The following CELF4 variants were observed in gnomAD, a reference collection of about 807,000 sequenced individuals.
The protein encoded by CELF4 is CUGBP Elav-like family member 4, also known as CUG-BP- and ETR-3-like factor 4.
CELF4 carries 18 observed loss-of-function variants against 59.9 expected under a neutral mutation model. The observed-to-expected ratio is 0.30, with a 90% CI of 0.21 to 0.45. The LOEUF is 0.45. CELF4 is among the 20% of genes least tolerant of loss of function. The probability of loss-of-function intolerance (pLI) is 1.00; values close to 1 mark genes in which losing one functional copy is unlikely to be tolerated. For synonymous variants in CELF4, 261 were observed against 267.1 expected (o/e 0.98, Z 0.22); for missense variants, 456 against 689.0 (o/e 0.66, Z 3.79).
chr18:37,483,536 C>T (rs918122790), intron 2 of CELF4, among the ~76,000 whole-genome samples: 1 of 152,172 alleles, frequency 6.6e-6, no homozygotes, highest in African/African-American at 2.4e-5. Flanking sequence ...CATACACTCA[C>T]GTTTCTTTTT....
Position 37,480,641 on chromosome 18 carries a change from C to T in CELF4, c.369+4884G>A, listed in dbSNP as rs147239240. Among the ~76,000 whole-genome samples, 699 of 152,248 alleles carry T rather than the reference C, an allele frequency of 4.6e-3. 2 individuals are homozygous for T. The highest frequency in any genetic ancestry group is 0.015 in the African/African-American group (612 of 41,540). On this transcript the variant is annotated intron_variant, in intron 2 of 12. Transcript: ENST00000420428. Reference sequence around the variant, plus strand: ...TGTCAGGGAGGGAGATGGGCCTTGCCAGGGAAGCCCCCGTATGGTGATGGG... The same window carrying T: ...TGTCAGGGAGGGAGATGGGCCTTGCTAGGGAAGCCCCCGTATGGTGATGGG...
chr18:37,249,560 C>T (rs1468322432), intron 12 of CELF4, among the ~76,000 whole-genome samples: 1 of 152,128 alleles, frequency 6.6e-6, no homozygotes, highest in Non-Finnish European at 1.5e-5. Context: ...ACATGTGTGG[C>T]CCTAGACACA....
At chr18:37,498,695 T>G (rs530301010) in intron 1 of CELF4, among the ~76,000 whole-genome samples, 1 of 152,178 alleles carries the variant, frequency 6.6e-6, no homozygotes, top group Non-Finnish European at 1.5e-5. Flanking sequence ...AGCCAGCTGG[T>G]GACTCTGAGA....
intron 1 of CELF4, among the ~76,000 whole-genome samples, chr18:37,528,028 C>G (rs115674840): frequency 0.016 from 2,423 of 152,272 alleles, 70 homozygotes; most frequent in African/African-American, 0.054. Flanking sequence ...GACAGTAGAG[C>G]TAAAAAGGTT....
chr18:37,561,484 A>G (rs2099986517), intron 1 of CELF4, among the ~76,000 whole-genome samples: 1 of 152,190 alleles, frequency 6.6e-6, no homozygotes, highest in Admixed American at 6.5e-5. Flanking sequence ...TAATATGGCT[A>G]TCCAGAGAGC....
At chr18:37,334,351 A>G (rs2097684801) in intron 2 of CELF4, among the ~76,000 whole-genome samples, 1 of 151,726 alleles carries the variant, frequency 6.6e-6, no homozygotes, top group Non-Finnish European at 1.5e-5. Flanking sequence ...GCCTCCCTTC[A>G]CCACTGGGTT....
intron 2 of CELF4, among the ~76,000 whole-genome samples, chr18:37,445,892 C>T (rs1249532232): frequency 6.6e-6 from 1 of 152,210 alleles, no homozygotes; most frequent in African/African-American, 2.4e-5. Flanking sequence ...CATCCTCCTC[C>T]TCCTTATCAT....
rs1027677264 is a variant in CELF4, at chr18:37,453,359, A to G, written c.369+32166T>C. Among the ~76,000 whole-genome samples, 10 of 152,266 alleles carry G rather than the reference A, an allele frequency of 6.6e-5. 1 individual carries two copies. The highest frequency in any genetic ancestry group is 2.4e-4 in the African/African-American group (10 of 41,548). On this transcript the variant is annotated intron_variant, in intron 2 of 12. Transcript: ENST00000420428. ...CTCCCTAACCTTTAGCCCAATGCTA[A>G]TTTTCTTGAACATTCTCTAACCAGC...
chr18:37,550,536 T>C (rs2099982863), intron 1 of CELF4, among the ~76,000 whole-genome samples: 1 of 152,250 alleles, frequency 6.6e-6, no homozygotes, highest in Non-Finnish European at 1.5e-5. Context: ...GACGTGGTGT[T>C]CCAGATATGA....
intron 2 of CELF4, among the ~76,000 whole-genome samples, chr18:37,361,955 C>A (rs886414572): frequency 1.3e-5 from 2 of 152,108 alleles, no homozygotes; most frequent in Non-Finnish European, 2.9e-5. Context: ...TACCCAGGGG[C>A]ACTGAGGCCA....
At chr18:37,553,198 T>A (rs60052337) in intron 1 of CELF4, among the ~76,000 whole-genome samples, 2,017 of 152,164 alleles carry the variant, frequency 0.013, 50 homozygotes, top group African/African-American at 0.046. Flanking sequence ...ATTTTTTTTT[T>A]AAAATTGGAT....
At chr18:37,455,275 C>T (rs72889365) in intron 2 of CELF4, among the ~76,000 whole-genome samples, 4,094 of 152,314 alleles carry the variant, frequency 0.027, 76 homozygotes, top group Non-Finnish European at 0.038. Flanking sequence ...AAGTGCAGAG[C>T]ATCCAATATT....
chr18:37,523,048 C>T lies in CELF4; in HGVS notation c.287-37441G>A, dbSNP rs530824339. On this transcript the variant is annotated intron_variant, in intron 1 of 12. Coordinates refer to ENST00000420428, the MANE Select transcript of CELF4 (RefSeq NM_020180.4). ...CAGTGGAGACGTTCGTTGCCCACAA[C>T]CAGATTCACAAGGGGGGCGGGTAGG... Among the ~76,000 whole-genome samples, 7 of 152,312 alleles carry T rather than the reference C, an allele frequency of 4.6e-5. No homozygotes were observed. The South Asian group carries it at 1.5e-3, about 32-fold the overall frequency.
At chr18:37,546,390 GCA>G (rs138332587) in intron 1 of CELF4, among the ~76,000 whole-genome samples, 8 of 150,382 alleles carry the variant, frequency 5.3e-5, no homozygotes, top group East Asian at 3.9e-4. Context: ...ACATGTATGC[GCA>G]CACACACACA....
At chr18:37,510,522 T>A (rs1321947996) in intron 1 of CELF4, among the ~76,000 whole-genome samples, 1 of 152,218 alleles carries the variant, frequency 6.6e-6, no homozygotes, top group Non-Finnish European at 1.5e-5. Flanking sequence ...CCCTGTGCAA[T>A]CCGTCTCTGC....
At chr18:37,416,655 G>T (rs1040937576) in intron 2 of CELF4, among the ~76,000 whole-genome samples, 3 of 152,156 alleles carry the variant, frequency 2.0e-5, no homozygotes, top group African/African-American at 7.2e-5. Flanking sequence ...CAGCCAGCCT[G>T]GGGGGCCTCT....
chr18:37,349,899 C>A (rs558172567), intron 2 of CELF4, among the ~76,000 whole-genome samples: 1 of 152,134 alleles, frequency 6.6e-6, no homozygotes, highest in East Asian at 1.9e-4. Flanking sequence ...AAAAGGGGAG[C>A]CGGCCAGAGT....
At chr18:37,561,790 T>G (rs577397005) in intron 1 of CELF4, among the ~76,000 whole-genome samples, 1 of 152,302 alleles carries the variant, frequency 6.6e-6, no homozygotes, top group East Asian at 1.9e-4. Flanking sequence ...AGGGGTAAAA[T>G]TGGCCCTCAG....
chr18:37,552,555 C>T lies in CELF4; in HGVS notation c.286+12801G>A, dbSNP rs540935194. ...GTCTGCAGGGATGCTCTCCTCCTGG[C>T]TGTGTGGCCTCTGCTGCAGACTAGC... On this transcript the variant is annotated intron_variant, in intron 1 of 12. Coordinates refer to ENST00000420428, the MANE Select transcript of CELF4 (RefSeq NM_020180.4). Among the ~76,000 whole-genome samples, 5 of 152,376 alleles carry T rather than the reference C, an allele frequency of 3.3e-5. 1 individual carries two copies. In the South Asian group the frequency reaches 1.0e-3, roughly 32 times the overall value.
Sources: allele counts gnomAD v4.1 joint callset (sites outside exome capture counted in the v4.1 genomes callset), GRCh38; gene constraint gnomAD v4.1.1; transcripts MANE v1.5; gene names NCBI Gene and HGNC (gene_info 2026-07-23, HGNC 2026-07-21).